The following MAGI1 variants were observed in gnomAD, a reference collection of about 807,000 sequenced individuals.
The protein encoded by MAGI1 is membrane associated guanylate kinase, WW and PDZ domain containing 1, also known as membrane-associated guanylate kinase, WW and PDZ domain-containing protein 1.
In MAGI1, 58 loss-of-function variants were observed where a neutral mutation model predicts 139.9. The ratio of observed to expected loss-of-function variants is 0.41; its 90% confidence interval spans 0.34 to 0.52. The LOEUF is 0.52. MAGI1 is among the 20% of genes least tolerant of loss of function. MAGI1 has a pLI of 0.12. For missense variants in MAGI1, 1,874 were observed against 1,901.6 expected (o/e 0.99, Z 0.27); for synonymous variants, 812 against 737.9 (o/e 1.10, Z -1.63).
intron 1 of MAGI1, among the ~76,000 whole-genome samples, chr3:65,655,745 CT>C: frequency 6.6e-6 from 1 of 152,138 alleles, no homozygotes; most frequent in East Asian, 1.9e-4. Context: ...GTTCACACAG[CT>C]TAGTAAGAGG....
chr3:66,000,017 G>A (rs1389152537), intron 1 of MAGI1, among the ~76,000 whole-genome samples: 1 of 120,210 alleles, frequency 8.3e-6, no homozygotes, highest in Non-Finnish European at 1.6e-5. Flanking sequence ...CTGTCCCCCA[G>A]GCTGGAGTGC....
At chr3:65,856,808 A>C (rs909391732) in intron 1 of MAGI1, among the ~76,000 whole-genome samples, 1 of 152,214 alleles carries the variant, frequency 6.6e-6, no homozygotes, top group Non-Finnish European at 1.5e-5. Context: ...GGCTCCAGCC[A>C]GCCGCACAAA....
chr3:65,464,646 C>A (rs866771191), intron 5 of MAGI1, among the ~76,000 whole-genome samples: 1 of 152,190 alleles, frequency 6.6e-6, no homozygotes, highest in Admixed American at 6.5e-5. Context: ...TTTCAACATA[C>A]CTATATTGCT....
rs373460453 is a variant in MAGI1, at chr3:65,815,843, C to G, written c.314-193755G>C. The stretch of plus-strand genomic sequence containing the variant: ...ACACATGAAGTAACAAAAGCCTGGA[C>G]TGGCTAAATAACTAACCAAAAGCTA... On this transcript the variant is annotated intron_variant, in intron 1 of 22. Transcript: ENST00000402939. 2.0e-5 allele frequency among the ~76,000 whole-genome samples: 3 copies of G among 152,186 alleles called. No individual in the cohort carries two copies. The South Asian group carries it at 6.2e-4, about 32-fold the overall frequency.
intron 1 of MAGI1, among the ~76,000 whole-genome samples, chr3:65,626,162 C>T (rs1298290175): frequency 1.3e-5 from 2 of 152,240 alleles, no homozygotes; most frequent in Non-Finnish European, 1.5e-5. Context: ...ACGGCAAAGA[C>T]GTCTATGATA....
intron 1 of MAGI1, among the ~76,000 whole-genome samples, chr3:65,993,220 T>A (rs1348342189): frequency 1.3e-5 from 2 of 152,172 alleles, no homozygotes; most frequent in African/African-American, 4.8e-5. Flanking sequence ...GAGCTGCTTA[T>A]AAATGACAGA....
At chr3:65,818,650 C>T (rs1341114943) in intron 1 of MAGI1, among the ~76,000 whole-genome samples, 1 of 152,090 alleles carries the variant, frequency 6.6e-6, no homozygotes, top group African/African-American at 2.4e-5. Flanking sequence ...TTTAATAACT[C>T]AAGGGGAAGG....
chr3:65,864,506 G>A (rs368813584), intron 1 of MAGI1, among the ~76,000 whole-genome samples: 65 of 152,342 alleles, frequency 4.3e-4, no homozygotes, highest in African/African-American at 1.5e-3. Context: ...AAGGCCACCC[G>A]TCAGCGAGAC....
Position 65,454,558 on chromosome 3 carries a change from A to T in MAGI1, c.960-1218T>A, listed in dbSNP as rs4533579. On this transcript the variant is annotated intron_variant, in intron 5 of 22. Coordinates refer to ENST00000402939, the MANE Select transcript of MAGI1 (RefSeq NM_001033057.2). ...ATAATAATAATAATAATAATAATAA[A>T]AAAATACTTGTTTTACAAAAAAAAA... Among the ~76,000 whole-genome samples, 525 of 140,472 alleles carry T rather than the reference A, an allele frequency of 3.7e-3. 7 individuals are homozygous for T. Among genetic ancestry groups the T allele is most frequent in the South Asian group, 8.2e-3 (37 of 4,528 alleles). The allele number at this position is 140,472 out of a possible 152,430, so 92.2% of individuals were successfully genotyped here.
intron 2 of MAGI1, among the ~76,000 whole-genome samples, chr3:65,530,800 T>G (rs1364676087): frequency 1.1e-5 from 1 of 88,056 alleles, no homozygotes; most frequent in Non-Finnish European, 2.1e-5. Context: ...CGTATATATA[T>G]ATATACACAC....
intron 1 of MAGI1, among the ~76,000 whole-genome samples, chr3:66,014,946 G>A (rs2067543267): frequency 6.6e-6 from 1 of 152,116 alleles, no homozygotes; most frequent in East Asian, 1.9e-4. Flanking sequence ...CTTAAGGCCA[G>A]TTCTAACCCT....
chr3:65,424,257 A>T (rs1321412581), intron 12 of MAGI1, among the ~76,000 whole-genome samples: 2 of 152,152 alleles, frequency 1.3e-5, no homozygotes, highest in African/African-American at 4.8e-5. Flanking sequence ...TTTAACTCTC[A>T]TTATCATTTT....
At chr3:65,859,438 A>C (rs2059475479) in intron 1 of MAGI1, among the ~76,000 whole-genome samples, 1 of 151,894 alleles carries the variant, frequency 6.6e-6, no homozygotes, top group Admixed American at 6.5e-5. Flanking sequence ...TAAAACTTTA[A>C]GGAAGCAGGG....
At chr3:65,876,583 A>C (rs1211702766) in intron 1 of MAGI1, among the ~76,000 whole-genome samples, 2 of 152,270 alleles carry the variant, frequency 1.3e-5, no homozygotes, top group Admixed American at 6.5e-5. Context: ...ATCATTTCTA[A>C]ATATAGAGGG....
intron 14 of MAGI1, among the ~76,000 whole-genome samples, chr3:65,390,069 G>A (rs1046958136): frequency 2.6e-5 from 4 of 152,120 alleles, no homozygotes; most frequent in East Asian, 1.9e-4. Flanking sequence ...CACCTCGGCC[G>A]GCAAAGGAAG....
At chr3:65,527,256 C>G (rs573359750) in intron 2 of MAGI1, among the ~76,000 whole-genome samples, 2 of 152,306 alleles carry the variant, frequency 1.3e-5, no homozygotes, top group East Asian at 3.9e-4. Flanking sequence ...AGCACTGAGT[C>G]TCACACCTAA....
chr3:65,357,645 G>C (rs375935023), intron 22 of MAGI1, among the ~76,000 whole-genome samples: 1 of 152,064 alleles, frequency 6.6e-6, no homozygotes, highest in East Asian at 1.9e-4. Context: ...AGCAGGGCAG[G>C]AATCATCTAC....
At chr3:65,770,881 C>T (rs1021963163) in intron 1 of MAGI1, among the ~76,000 whole-genome samples, 1 of 151,920 alleles carries the variant, frequency 6.6e-6, no homozygotes, top group Non-Finnish European at 1.5e-5. Context: ...TTAGTAGAGA[C>T]GGGGTTTTCC....
At chr3:65,925,143 G>C (rs2062431013) in intron 1 of MAGI1, 1 of 152,172 alleles carries the variant, frequency 6.6e-6, no homozygotes, top group African/African-American at 2.4e-5. Flanking sequence ...TCCAGGAATT[G>C]AGAAGACTTT....
Sources: gnomAD v4.1 joint callset for allele counts (sites outside exome capture counted in the v4.1 genomes callset) on GRCh38, gnomAD v4.1.1 for gene constraint, MANE v1.5 for transcripts, NCBI Gene and HGNC (gene_info 2026-07-23, HGNC 2026-07-21) for gene names.